Variants in ZNF527 observed in about 807,000 individuals in gnomAD.
ZNF527 encodes the protein zinc finger protein 527.
Under a neutral mutation model 13.5 loss-of-function variants are expected in ZNF527, and 5 were observed. The observed-to-expected ratio is 0.37, with a 90% CI of 0.19 to 0.78. The LOEUF is 0.78. Among genes scored for constraint, ZNF527 ranks in the 30% least tolerant of loss-of-function variants. The probability of loss-of-function intolerance (pLI) is 0.48; values close to 1 mark genes in which losing one functional copy is unlikely to be tolerated. For missense variants in ZNF527, 628 were observed against 726.4 expected, an observed-to-expected ratio of 0.86 and a Z score of 1.56; for synonymous variants, 209 against 243.1, an observed-to-expected ratio of 0.86 and a Z score of 1.30.
At chr19:37,374,269 C>A (rs775727563) in intron 2 of ZNF527, 38 bp downstream of exon 2, 30 of 1,611,580 alleles carry the variant, frequency 1.9e-5, no homozygotes, top group Non-Finnish European at 2.2e-5. Context: ...AGACATTTGA[C>A]CTCATTTTTC....
Position 37,389,191 on chromosome 19 carries a change from C to G in ZNF527, c.1142C>G (p.Thr381Arg), listed in dbSNP as rs768078713. ...CTTGTTGAACATCAGAGAATTCACA[C>G]AGGTGAGAAACCATATGAATGTAAA... ...AFLVEHQRIHTGEKPYECKEC... is the reference protein window; with the variant it reads ...AFLVEHQRIHRGEKPYECKEC... Residue 381 changes from threonine (T) to arginine (R), a missense_variant, in exon 5 of 5, where the codon ACA (threonine) becomes AGA (arginine). Thr to Arg is a moderately conservative substitution (Grantham distance 71). Coordinates refer to ENST00000436120, the MANE Select transcript of ZNF527 (RefSeq NM_032453.2). 1.9e-6 allele frequency: 3 copies of G among 1,613,982 alleles called. No individual in the cohort carries two copies. Among genetic ancestry groups the G allele is most frequent in the Non-Finnish European group, 2.5e-6 (3 of 1,179,994 alleles).
At chr19:37,383,250 T>C (rs2146816230) in intron 4 of ZNF527, among the ~76,000 whole-genome samples, 1 of 152,156 alleles carries the variant, frequency 6.6e-6, no homozygotes, top group East Asian at 1.9e-4. Flanking sequence ...TATGCTTTTT[T>C]TTTGAGATGG....
chr19:37,386,315 T>C (rs1267671860), intron 4 of ZNF527, among the ~76,000 whole-genome samples: 3 of 152,026 alleles, frequency 2.0e-5, no homozygotes, highest in Admixed American at 6.6e-5. Context: ...CTAATTTTTG[T>C]ATTTTCAGTA....
rs2146827213 is a variant in ZNF527 at position 37,389,921 on chromosome 19, A to G, written c.*42A>G. On this transcript the variant is annotated 3_prime_UTR_variant, in exon 5 of 5. Coordinates refer to ENST00000436120, the MANE Select transcript of ZNF527 (RefSeq NM_032453.2). ...AAAGAAAACATGTGGTTACCACTCA[A>G]TCCTTATTAAATATTAGTGAGTTCT... is the stretch of plus-strand genomic sequence containing the variant. 1.3e-6 allele frequency: 2 copies of G among 1,518,772 alleles called. No individual in the cohort carries two copies. The highest frequency in any genetic ancestry group is 1.8e-6 in the Non-Finnish European group (2 of 1,142,814). 94.1% of individuals were successfully genotyped at this position (1,518,772 alleles called of 1,614,324 possible).
At chr19:37,375,464 C>T (rs777094814) in intron 2 of ZNF527, among the ~76,000 whole-genome samples, 5 of 150,726 alleles carry the variant, frequency 3.3e-5, no homozygotes, top group Non-Finnish European at 7.4e-5. Flanking sequence ...TGGGTTCAAG[C>T]GATTCTCCTG....
At chr19:37,383,135 T>C (rs1248473219) in intron 4 of ZNF527, among the ~76,000 whole-genome samples, 1 of 152,236 alleles carries the variant, frequency 6.6e-6, no homozygotes, top group African/African-American at 2.4e-5. Flanking sequence ...ATTGTAGCTC[T>C]GGAGGTCAGA....
chr19:37,378,626 C>T (rs2040626793), intron 2 of ZNF527, among the ~76,000 whole-genome samples: 1 of 152,118 alleles, frequency 6.6e-6, no homozygotes, highest in African/African-American at 2.4e-5. Context: ...TTTGCATAAC[C>T]TTCCAATGAA....
chr19:37,378,184 T>C (rs1465516027), intron 2 of ZNF527, among the ~76,000 whole-genome samples: 1 of 151,966 alleles, frequency 6.6e-6, no homozygotes, highest in Non-Finnish European at 1.5e-5. Flanking sequence ...CATACCACCA[T>C]GTCCAGCTAA....
In ZNF527 at chr19:37,391,536, T is replaced by C. The variant is rs1029655786; in HGVS notation, c.*1657T>C. The stretch of plus-strand genomic sequence containing the variant: ...GTGAGCGAAGATCGCGCCATTGTAC[T>C]CCAGCCTGGGCAACAAGAGCGAAAC... On this transcript the variant is annotated 3_prime_UTR_variant, in exon 5 of 5. Transcript: ENST00000436120. 2 of 149,918 alleles carry C rather than the reference T, an allele frequency of 1.3e-5. No individual in the cohort carries two copies. The highest frequency in any genetic ancestry group is 3.0e-5 in the Non-Finnish European group (2 of 67,684). 9.3% of individuals were successfully genotyped at this position (149,918 alleles called of 1,614,324 possible).
At chr19:37,374,086 A>G (rs2040580453) in intron 1 of ZNF527, 72 bp from the exon 2 acceptor site, 2 of 1,008,732 alleles carry the variant, frequency 2.0e-6, no homozygotes, top group East Asian at 4.9e-5. Flanking sequence ...GGGCAGTAGT[A>G]TTTTTGTGGG....
chr19:37,382,322 TAG>T (rs1480996371), intron 4 of ZNF527, among the ~76,000 whole-genome samples: 2 of 151,918 alleles, frequency 1.3e-5, no homozygotes, highest in Non-Finnish European at 1.5e-5. Flanking sequence ...GATAGATAGA[TAG>T]ATAGATATTT....
intron 2 of ZNF527, among the ~76,000 whole-genome samples, chr19:37,375,258 C>CTTTA (rs1490284010): frequency 9.0e-6 from 1 of 111,350 alleles, no homozygotes; most frequent in Admixed American, 9.4e-5. Context: ...TTCTTTCTTT[C>CTTTA]TTTCTTTCTT....
chr19:37,384,971 C>T, intron 4 of ZNF527: 1 of 701,740 alleles, frequency 1.4e-6, no homozygotes, highest in Non-Finnish European at 2.6e-6. Context: ...GCATGCACAC[C>T]ACTGCACCTG....
chr19:37,389,759 A>G lies in ZNF527; in HGVS notation c.1710A>G (p.Arg570=), dbSNP rs758099728. Residue 570 remains arginine, a synonymous_variant, in exon 5 of 5, where the codon AGA becomes AGG. Coordinates refer to ENST00000436120, the MANE Select transcript of ZNF527 (RefSeq NM_032453.2). ...GKAFHQILSL[R]LHQRIHAGEK... ...CTTTTCATCAGATCTTGTCCCTAAGACTACACCAGAGAATTCACGCTGGAG... is the reference window on the plus strand; with the variant it reads ...CTTTTCATCAGATCTTGTCCCTAAGGCTACACCAGAGAATTCACGCTGGAG... 15 of 1,613,630 alleles carry G rather than the reference A, an allele frequency of 9.3e-6. No homozygotes were observed. In the East Asian group the frequency reaches 2.7e-4, roughly 29 times the overall value.
rs759361513 is a variant in ZNF527 at position 37,389,808 on chromosome 19, T to C, written c.1759T>C (p.Cys587Arg). The change falls in exon 5 of 5, where the codon TGT (cysteine) becomes CGT (arginine). Residue 587 changes from cysteine (C) to arginine (R), a missense_variant. By Grantham distance (180) the Cys-to-Arg change is radical. Transcript: ENST00000436120. ...AGEKPYKCNE[C>R]GNNFSCVSAL... is the part of the protein sequence containing the mutation. ...AGAAAAACCTTATAAATGTAACGAATGTGGGAATAATTTTAGCTGTGTCTC... is the reference window on the plus strand; with the variant it reads ...AGAAAAACCTTATAAATGTAACGAACGTGGGAATAATTTTAGCTGTGTCTC... 1.9e-6 allele frequency: 3 copies of C among 1,613,282 alleles called. No individual in the cohort carries two copies. The highest frequency in any genetic ancestry group is 2.2e-5 in the South Asian group (2 of 91,052).
chr19:37,386,075 T>G (rs1272202222), intron 4 of ZNF527, among the ~76,000 whole-genome samples: 1 of 151,930 alleles, frequency 6.6e-6, no homozygotes, highest in African/African-American at 2.4e-5. Context: ...CCATAAGATC[T>G]TTGTTGTATT....
rs1335716771 is a variant in ZNF527, at chr19:37,391,581, A to T, written c.*1702A>T. The T allele has an allele frequency of 2.1e-5, 2 of 94,218 alleles. No homozygotes were observed. The highest frequency in any genetic ancestry group is 4.9e-5 in the African/African-American group (1 of 20,388). 5.8% of individuals were successfully genotyped at this position (94,218 alleles called of 1,614,324 possible). The stretch of plus-strand genomic sequence containing the variant: ...CGAAACTCCTTCTCAAAAAAAAAAA[A>T]AAAAAAAAAATAAATAAATAAATAA... On this transcript the variant is annotated 3_prime_UTR_variant, in exon 5 of 5. Transcript: ENST00000436120.
At chr19:37,378,658 C>T (rs1369276222) in intron 2 of ZNF527, among the ~76,000 whole-genome samples, 8 of 152,168 alleles carry the variant, frequency 5.3e-5, no homozygotes, top group Non-Finnish European at 1.2e-4. Flanking sequence ...AGTTGCTTCA[C>T]ATATACCTCA....
intron 4 of ZNF527, among the ~76,000 whole-genome samples, chr19:37,387,138 G>T (rs918515290): frequency 1.7e-4 from 26 of 152,184 alleles, no homozygotes; most frequent in Non-Finnish European, 5.9e-5. Flanking sequence ...CTTTTCAACA[G>T]ATGAGAAACT....
Sources: allele counts gnomAD v4.1 joint callset (sites outside exome capture counted in the v4.1 genomes callset), GRCh38; gene constraint gnomAD v4.1.1; transcripts MANE v1.5; gene names NCBI Gene and HGNC (gene_info 2026-07-23, HGNC 2026-07-21).